ABCB5: variants seen among roughly 807,000 people sequenced by gnomAD.
ABCB5 encodes ATP binding cassette subfamily B member 5.
In ABCB5, 155 loss-of-function variants were observed where a neutral mutation model predicts 144.2. The ratio of observed to expected loss-of-function variants is 1.08; its 90% confidence interval spans 0.94 to 1.23. ABCB5 has a LOEUF of 1.23. ABCB5 is among the 50% of genes most tolerant of loss of function. The pLI is 0.00. For synonymous variants in ABCB5, 610 were observed against 528.6 expected, an observed-to-expected ratio of 1.15 and a Z score of -2.11; for missense variants, 1,830 against 1,520.8, an observed-to-expected ratio of 1.20 and a Z score of -3.38.
intron 23 of ABCB5, among the ~76,000 whole-genome samples, chr7:20,736,722 C>T (rs949484236): frequency 4.6e-5 from 7 of 152,120 alleles, no homozygotes; most frequent in African/African-American, 1.4e-4. Context: ...AGTTACAGCA[C>T]GGGTTATTCT....
chr7:20,705,578 A>G (rs1786794459), intron 20 of ABCB5, among the ~76,000 whole-genome samples: 1 of 152,204 alleles, frequency 6.6e-6, no homozygotes, highest in Admixed American at 6.5e-5. Context: ...TAGTAGAGTT[A>G]TAGGCTTTCC....
chr7:20,651,495 G>A lies in ABCB5; in HGVS notation c.1408G>A (p.Glu470Lys). ...AGACCATATTGGAGTGGTTAGTCAA[G>A]AGCCTGTTTTGTTCGGGACCACCAT... ...YRDHIGVVSQ[E>K]PVLFGTTISN... is the part of the protein sequence containing the mutation. The change falls in exon 13 of 28, where the codon GAG becomes AAG. Residue 470 changes from glutamate to lysine, a missense_variant. Transcript: ENST00000404938. 1 of 1,614,108 alleles carries A rather than the reference G, an allele frequency of 6.2e-7. No homozygotes were observed. Among genetic ancestry groups the A allele is most frequent in the Non-Finnish European group, 8.5e-7 (1 of 1,180,020 alleles).
At chr7:20,628,551 G>T in intron 3 of ABCB5, 137 bp from the exon 4 acceptor site, 1 of 761,710 alleles carries the variant, frequency 1.3e-6, no homozygotes, top group South Asian at 2.4e-5. Context: ...ATGATTTTAT[G>T]CACTTATTTA....
At position 20,628,762 on chromosome 7, in the gene ABCB5, C is replaced by T. The variant is rs773150774; in HGVS notation, c.183C>T (p.Cys61=). 1.9e-6 allele frequency: 3 copies of T among 1,613,534 alleles called. No homozygotes were observed. The highest frequency in any genetic ancestry group is 2.5e-6 in the Non-Finnish European group (3 of 1,179,786). ...TGGCATCACTGGTCAATGGAGCCTG[C>T]CTTCCTTTAATGCCACTGGTTTTAG... ...GILASLVNGA[C]LPLMPLVLGE... is the part of the protein sequence containing the mutation. Residue 61 remains cysteine, a synonymous_variant, in exon 4 of 28, where the codon TGC becomes TGT. Transcript: ENST00000404938.
chr7:20,701,976 G>C (rs1416546297), intron 19 of ABCB5, among the ~76,000 whole-genome samples: 5 of 152,162 alleles, frequency 3.3e-5, no homozygotes, highest in African/African-American at 7.2e-5. Context: ...CTTATTACCT[G>C]ATTTTTGTCC....
chr7:20,699,972 T>G, intron 18 of ABCB5, 43 bp downstream of exon 18: 1 of 1,599,090 alleles, frequency 6.3e-7, no homozygotes. Context: ...TACTTTTTGT[T>G]GCCATTCTTT....
At chr7:20,633,500 A>G (rs1784083769) in intron 5 of ABCB5, among the ~76,000 whole-genome samples, 1 of 152,142 alleles carries the variant, frequency 6.6e-6, no homozygotes, top group South Asian at 2.1e-4. Flanking sequence ...GACACACAAT[A>G]ATTATACATA....
rs1784390396 is a variant in ABCB5 at position 20,645,793 on chromosome 7, A to G, written c.716A>G (p.Tyr239Cys). The G allele has an allele frequency of 6.2e-7, 1 of 1,613,870 alleles. No individual in the cohort carries two copies. The highest frequency in any genetic ancestry group is 8.5e-7 in the Non-Finnish European group (1 of 1,179,768). The stretch of plus-strand genomic sequence containing the variant: ...TTGACCAGTAAGGAATTAAGTGCCT[A>G]TTCCAAAGCTGGGGCTGTGGCAGAA... ...ISLTSKELSA[Y>C]SKAGAVAEEV... Residue 239 changes from tyrosine (Y) to cysteine (C), a missense_variant, in exon 8 of 28, where the codon TAT becomes TGT. Coordinates refer to ENST00000404938, the MANE Select transcript of ABCB5 (RefSeq NM_001163941.2).
chr7:20,650,246 C>G (rs1378864730), intron 12 of ABCB5, 99 bp downstream of exon 12: 1 of 1,443,518 alleles, frequency 6.9e-7, no homozygotes, highest in East Asian at 2.4e-5. Context: ...AACAGTAGAG[C>G]TGGGAGAGAA....
At chr7:20,693,852 T>C (rs887041428) in intron 16 of ABCB5, among the ~76,000 whole-genome samples, 5 of 151,408 alleles carry the variant, frequency 3.3e-5, no homozygotes, top group East Asian at 1.9e-4. Flanking sequence ...AAAAGACTAA[T>C]AAAATAATCT....
intron 1 of ABCB5, among the ~76,000 whole-genome samples, chr7:20,620,456 G>C (rs1783784587): frequency 6.6e-6 from 1 of 151,802 alleles, no homozygotes. Context: ...CCAGAGAGAA[G>C]AAAGACAATC....
rs753801763 is a variant in ABCB5 at position 20,728,336 on chromosome 7, G to T, written c.2748G>T (p.Gln916His). 1.4e-5 allele frequency: 22 copies of T among 1,613,956 alleles called. No homozygotes were observed. Among genetic ancestry groups the T allele is most frequent in the Non-Finnish European group, 1.6e-5 (19 of 1,179,958 alleles). Reference sequence around the variant, plus strand: ...CCAGAAATACCTCGAAGAAAGCACAGATTATTGGAAGCTGTTATGCATTCA... The same window carrying T: ...CCAGAAATACCTCGAAGAAAGCACATATTATTGGAAGCTGTTATGCATTCA... ...TQHRNTSKKA[Q>H]IIGSCYAFSH... Residue 916 changes from glutamine (Q) to histidine (H), a missense_variant, in exon 23 of 28, where the codon CAG (glutamine) becomes CAT (histidine). By Grantham distance (24) the Gln-to-His change is conservative (BLOSUM62 0). Coordinates refer to ENST00000404938, the MANE Select transcript of ABCB5 (RefSeq NM_001163941.2).
chr7:20,657,518 G>T (rs1300205593), intron 13 of ABCB5, among the ~76,000 whole-genome samples: 2 of 152,142 alleles, frequency 1.3e-5, no homozygotes, highest in Non-Finnish European at 2.9e-5. Flanking sequence ...ACAAGCCAAA[G>T]AAGTACATAC....
intron 26 of ABCB5, among the ~76,000 whole-genome samples, chr7:20,753,152 C>A (rs1331418768): frequency 6.6e-6 from 1 of 152,132 alleles, no homozygotes. Flanking sequence ...GCTGTCTGAT[C>A]AGATTGGATA....
chr7:20,732,885 G>A (rs777267869), intron 23 of ABCB5, among the ~76,000 whole-genome samples: 51 of 152,264 alleles, frequency 3.3e-4, no homozygotes, highest in African/African-American at 1.2e-3. Context: ...AATGACACCC[G>A]TTAGGATGTT....
intron 15 of ABCB5, 95 bp downstream of exon 15, chr7:20,681,761 A>T: frequency 6.9e-7 from 1 of 1,449,104 alleles, no homozygotes. Flanking sequence ...TATAATCTTA[A>T]ATTTCAAAAA....
chr7:20,662,981 C>T (rs1785050834), intron 14 of ABCB5, among the ~76,000 whole-genome samples: 1 of 152,150 alleles, frequency 6.6e-6, no homozygotes, highest in African/African-American at 2.4e-5. Flanking sequence ...ACAGCTAATC[C>T]TCACAAGATC....
chr7:20,668,455 C>G (rs368316288), intron 14 of ABCB5, among the ~76,000 whole-genome samples: 1 of 147,074 alleles, frequency 6.8e-6, no homozygotes, highest in African/African-American at 2.5e-5. Context: ...CCGGCCGCCC[C>G]GTCTGAGAAG....
intron 16 of ABCB5, among the ~76,000 whole-genome samples, chr7:20,691,748 A>C (rs962704794): frequency 5.3e-5 from 8 of 152,258 alleles, no homozygotes; most frequent in Non-Finnish European, 1.0e-4. Flanking sequence ...CCTAACTAAC[A>C]AATCCTAATA....
Sources: gnomAD v4.1 joint callset for allele counts (sites outside exome capture counted in the v4.1 genomes callset) on GRCh38, gnomAD v4.1.1 for gene constraint, MANE v1.5 for transcripts, NCBI Gene and HGNC (gene_info 2026-07-23, HGNC 2026-07-21) for gene names.